Variants in ATOH8 observed in about 807,000 individuals in gnomAD.
The protein encoded by ATOH8 is atonal bHLH transcription factor 8, also known as transcription factor ATOH8.
In ATOH8, 9 loss-of-function variants were observed where a neutral mutation model predicts 21.2. The ratio of observed to expected loss-of-function variants is 0.42; its 90% CI spans 0.26 to 0.74. The LOEUF is 0.74. Ranked by LOEUF, ATOH8 falls within the 30% of genes least tolerant of loss-of-function variation. ATOH8 has a pLI of 0.24. For missense variants in ATOH8, 524 were observed against 470.9 expected (o/e 1.11, Z -1.04); for synonymous variants, 253 against 224.0 (o/e 1.13, Z -1.16).
chr2:85,756,832 C>T (rs796805455), intron 1 of ATOH8, among the ~76,000 whole-genome samples: 2 of 152,174 alleles, frequency 1.3e-5, no homozygotes, highest in African/African-American at 4.8e-5. Flanking sequence ...CATGTGCCAC[C>T]CCCCCAGCCC....
chr2:85,775,331 A>T (rs1322400678), intron 2 of ATOH8: 25 of 969,952 alleles, frequency 2.6e-5, no homozygotes, highest in Non-Finnish European at 2.9e-5. Flanking sequence ...CCCTATGCTG[A>T]TGGCAAGGGA....
At chr2:85,760,273 G>A (rs1679825342) in intron 1 of ATOH8, among the ~76,000 whole-genome samples, 1 of 152,190 alleles carries the variant, frequency 6.6e-6, no homozygotes, top group South Asian at 2.1e-4. Context: ...GTCGGGAGTG[G>A]GAGCCAGGTA....
Position 85,754,400 on chromosome 2 carries a change from C to A in ATOH8, c.211C>A (p.Pro71Thr), listed in dbSNP as rs1366182785. 2 of 1,574,834 alleles carry A rather than the reference C, an allele frequency of 1.3e-6. No individual in the cohort carries two copies. Among genetic ancestry groups the A allele is most frequent in the Non-Finnish European group, 1.7e-6 (2 of 1,163,090 alleles). ...RDRTHRLQPV[P>T]VPVPVPVPVA... ...CAGGACCCATCGGCTGCAGCCGGTC[C>A]CGGTACCGGTGCCGGTGCCAGTCCC... Residue 71 changes from proline to threonine, a missense_variant, in exon 1 of 3, where the codon CCG becomes ACG. Transcript: ENST00000306279.
intron 2 of ATOH8, among the ~76,000 whole-genome samples, chr2:85,765,683 A>G (rs1468409499): frequency 1.3e-5 from 2 of 152,118 alleles, no homozygotes; most frequent in African/African-American, 4.8e-5. Context: ...TCTCCATCTC[A>G]GCCCCTCACT....
Position 85,788,997 on chromosome 2 carries a change from T to C in ATOH8, c.*2107T>C, listed in dbSNP as rs1297144309. Among the ~76,000 whole-genome samples the C allele has an allele frequency of 6.6e-6, 1 of 152,206 alleles. No individual in the cohort carries two copies. Among genetic ancestry groups the C allele is most frequent in the Non-Finnish European group, 1.5e-5 (1 of 68,028 alleles). On this transcript the variant is annotated 3_prime_UTR_variant, in exon 3 of 3. Transcript: ENST00000306279. ...AGCCACCCTGTGAAGCTGGCACAGA[T>C]AACAGCACTGCTCTGTTGTCCCTCG...
chr2:85,784,052 G>A (rs758229267), intron 2 of ATOH8, among the ~76,000 whole-genome samples: 5 of 152,192 alleles, frequency 3.3e-5, no homozygotes, highest in Non-Finnish European at 7.3e-5. Context: ...ATACCTGCAA[G>A]TGGCTGTTAT....
At chr2:85,784,315 A>T (rs1435126578) in intron 2 of ATOH8, among the ~76,000 whole-genome samples, 1 of 152,056 alleles carries the variant, frequency 6.6e-6, no homozygotes, top group African/African-American at 2.4e-5. Context: ...AGGCGAGGGG[A>T]TTGCTTGCAT....
At chr2:85,777,233 G>A (rs1038223080) in intron 2 of ATOH8, among the ~76,000 whole-genome samples, 2 of 152,118 alleles carry the variant, frequency 1.3e-5, no homozygotes, top group Admixed American at 6.5e-5. Flanking sequence ...AGGGCCCCTC[G>A]GTATGGTCTT....
chr2:85,776,261 G>C (rs1680319796), intron 2 of ATOH8, among the ~76,000 whole-genome samples: 1 of 152,214 alleles, frequency 6.6e-6, no homozygotes, highest in African/African-American at 2.4e-5. Context: ...TGAGCTTCAG[G>C]GGTTGCCTGG....
intron 2 of ATOH8, among the ~76,000 whole-genome samples, chr2:85,783,238 T>C (rs1018863513): frequency 6.6e-6 from 1 of 152,170 alleles, no homozygotes. Context: ...CATCTAGTCA[T>C]TCTCAAGGTT....
intron 2 of ATOH8, chr2:85,781,072 G>C: frequency 1.0e-6 from 1 of 988,066 alleles, no homozygotes; most frequent in Non-Finnish European, 1.2e-6. Context: ...TCTGTCAAAC[G>C]CAAGGATGTC....
At chr2:85,760,779 G>A (rs926635052) in intron 1 of ATOH8, 2 of 152,232 alleles carry the variant, frequency 1.3e-5, no homozygotes, top group African/African-American at 2.4e-5. Flanking sequence ...CTCAGACTCC[G>A]GTGGAAGCTG....
intron 2 of ATOH8, among the ~76,000 whole-genome samples, chr2:85,780,009 A>G (rs1277061142): frequency 2.0e-5 from 3 of 152,088 alleles, no homozygotes; most frequent in African/African-American, 7.2e-5. Flanking sequence ...TGGGATAAAG[A>G]GCTTCGGGAG....
intron 2 of ATOH8, 59 bp from the exon 3 acceptor site, chr2:85,786,826 C>T: frequency 1.2e-6 from 2 of 1,612,670 alleles, no homozygotes; most frequent in Non-Finnish European, 1.7e-6. Context: ...CTGCAGCTGT[C>T]CAGAAACAGG....
chr2:85,767,887 G>A (rs533774859), intron 2 of ATOH8, among the ~76,000 whole-genome samples: 28 of 152,312 alleles, frequency 1.8e-4, no homozygotes, highest in Admixed American at 1.2e-3. Context: ...CAGGAGAGGG[G>A]TGAGAACTAG....
At chr2:85,780,103 T>G (rs1340863608) in intron 2 of ATOH8, among the ~76,000 whole-genome samples, 4 of 152,150 alleles carry the variant, frequency 2.6e-5, no homozygotes, top group African/African-American at 4.8e-5. Context: ...CAGGCCCTCA[T>G]TGTCCTGGAC....
rs1434782781 is a variant in ATOH8, at chr2:85,789,969, C to T, written c.*3079C>T. ...CTCTCTCTCATGGGCACATGCATAC[C>T]CACACACACACTCGTGTACATTTCC... On this transcript the variant is annotated 3_prime_UTR_variant, in exon 3 of 3. Transcript: ENST00000306279. Among the ~76,000 whole-genome samples the T allele has an allele frequency of 1.3e-5, 2 of 151,860 alleles. No homozygotes were observed. Among genetic ancestry groups the T allele is most frequent in the Non-Finnish European group, 2.9e-5 (2 of 67,982 alleles).
At chr2:85,765,415 A>G (rs939164957) in intron 2 of ATOH8, among the ~76,000 whole-genome samples, 1 of 152,330 alleles carries the variant, frequency 6.6e-6, no homozygotes, top group Admixed American at 6.5e-5. Context: ...TGCCGCTGCC[A>G]CGGTAACTGC....
Position 85,785,747 on chromosome 2 carries a change from T to C in ATOH8, c.961-1138T>C, listed in dbSNP as rs1324096539. The stretch of plus-strand genomic sequence containing the variant: ...CTCGGAGCCTGGGATTGCTCACTCA[T>C]GAGAGGGGGGAATGGGAATGCTCCC... On this transcript the variant is annotated intron_variant, in intron 2 of 2. Coordinates refer to ENST00000306279, the MANE Select transcript of ATOH8 (RefSeq NM_032827.7). This position sits in a 1 kb window ranked among gnomAD's most constrained non-coding sequence, Gnocchi z 4.1. Among the ~76,000 whole-genome samples the C allele has an allele frequency of 6.6e-6, 1 of 152,196 alleles. No homozygotes were observed. The highest frequency in any genetic ancestry group is 1.9e-4 in the East Asian group (1 of 5,202).
Sources: gnomAD v4.1 joint callset for allele counts (sites outside exome capture counted in the v4.1 genomes callset) on GRCh38, gnomAD v4.1.1 for gene constraint, Gnocchi (gnomAD v3.1) non-coding constraint, MANE v1.5 for transcripts, NCBI Gene and HGNC (gene_info 2026-07-23, HGNC 2026-07-21) for gene names.